Variants in STAG3 observed in about 807,000 individuals in gnomAD.
STAG3 encodes the protein cohesin subunit SA-3.
Under a neutral mutation model 160.7 loss-of-function variants are expected in STAG3, and 101 were observed. The ratio of observed to expected loss-of-function variants is 0.63; its 90% CI spans 0.54 to 0.74. STAG3 has a LOEUF of 0.74. STAG3 is among the 30% of genes least tolerant of loss of function. The pLI, the probability that STAG3 is intolerant of heterozygous loss-of-function variation, is 0.00. For synonymous variants in STAG3, 519 were observed against 585.0 expected, an observed-to-expected ratio of 0.89 and a Z score of 1.63; for missense variants, 1,188 against 1,517.4, an observed-to-expected ratio of 0.78 and a Z score of 3.61.
intron 8 of STAG3, among the ~76,000 whole-genome samples, chr7:100,191,953 C>T (rs1301806932): frequency 6.6e-6 from 1 of 152,176 alleles, no homozygotes; most frequent in Non-Finnish European, 1.5e-5. Flanking sequence ...ACCTCTTCAC[C>T]AGGAATAGAT....
intron 5 of STAG3, among the ~76,000 whole-genome samples, chr7:100,186,939 A>T (rs557077018): frequency 3.3e-5 from 5 of 152,226 alleles, no homozygotes; most frequent in African/African-American, 1.2e-4. Flanking sequence ...TCTTATTGCC[A>T]TGGCTTCGTT....
At position 100,199,360 on chromosome 7, in the gene STAG3, G is replaced by A. The variant is rs375088944; in HGVS notation, c.1566G>A (p.Lys522=). Residue 522 remains lysine, a synonymous_variant, in exon 15 of 34, where the codon AAG becomes AAA. Transcript: ENST00000615138. ...WEGLTSLLLE[K]DQNLGDVQES... The stretch of plus-strand genomic sequence containing the variant: ...GTCTGACAAGCCTGCTGCTGGAGAA[G>A]GACCAGAGTACGTGTCACACGGAGC... 6.2e-6 allele frequency: 10 copies of A among 1,613,806 alleles called. No homozygotes were observed. The highest frequency in any genetic ancestry group is 2.7e-5 in the African/African-American group (2 of 74,912).
chr7:100,211,622 C>G (rs1802216789), intron 31 of STAG3, 83 bp downstream of exon 31: 4 of 1,516,332 alleles, frequency 2.6e-6, no homozygotes, highest in Non-Finnish European at 3.6e-6. Flanking sequence ...CATTGCCTCT[C>G]TGTGGGTGCT....
At chr7:100,218,297 GA>G (rs1802942816), downstream of STAG3, 2 of 165,186 alleles carry the variant, frequency 1.2e-5, no homozygotes, top group African/African-American at 4.8e-5. Context: ...TTGGAATAAA[GA>G]GTTATGCTAT....
intron 2 of STAG3, 38 bp from the exon 3 acceptor site, chr7:100,182,051 AG>A: frequency 6.7e-7 from 1 of 1,486,158 alleles, no homozygotes. Context: ...TGGAGGGAAT[AG>A]GGTGGTTATA....
intron 32 of STAG3, 193 bp from the exon 33 acceptor site, chr7:100,213,542 C>A (rs545973601): frequency 1.8e-4 from 177 of 985,438 alleles, no homozygotes; most frequent in Non-Finnish European, 2.1e-4. Flanking sequence ...GGGGCTCAGT[C>A]AGCAGGCCAA....
downstream of STAG3, among the ~76,000 whole-genome samples, chr7:100,216,479 G>T (rs1373270094): frequency 6.6e-6 from 1 of 152,118 alleles, no homozygotes; most frequent in Admixed American, 6.5e-5. Context: ...TAAAATCATG[G>T]TTCAACATTT....
intron 29 of STAG3, among the ~76,000 whole-genome samples, chr7:100,209,087 G>A (rs1387797004): frequency 6.6e-6 from 1 of 152,102 alleles, no homozygotes; most frequent in South Asian, 2.1e-4. Flanking sequence ...TATTTGATTG[G>A]TTAGAGTGGA....
At chr7:100,197,742 C>A in intron 10 of STAG3, 36 bp from the exon 11 acceptor site, 1 of 1,553,878 alleles carries the variant, frequency 6.4e-7, no homozygotes, top group Non-Finnish European at 8.9e-7. Flanking sequence ...TGTGGTTAGT[C>A]TTATTTCCAT....
intron 8 of STAG3, among the ~76,000 whole-genome samples, chr7:100,192,074 T>C (rs927727913): frequency 6.6e-6 from 1 of 152,230 alleles, no homozygotes; most frequent in Admixed American, 6.5e-5. Context: ...TACTTCTAGT[T>C]CTCTTGCTAT....
intron 2 of STAG3, 21 bp from the exon 3 acceptor site, chr7:100,182,069 G>C: frequency 6.3e-7 from 1 of 1,597,528 alleles, no homozygotes; most frequent in Non-Finnish European, 8.6e-7. Context: ...TATATTTAAA[G>C]AGAACCATAC....
At chr7:100,178,249 A>C (rs1180928915) in intron 1 of STAG3, among the ~76,000 whole-genome samples, 1 of 152,156 alleles carries the variant, frequency 6.6e-6, no homozygotes, top group Non-Finnish European at 1.5e-5. Context: ...CGCTTACCCC[A>C]GGGGCAGTCG....
chr7:100,181,988 G>A, intron 2 of STAG3, 102 bp from the exon 3 acceptor site: 1 of 687,150 alleles, frequency 1.5e-6, no homozygotes, highest in Admixed American at 2.4e-5. Flanking sequence ...TTTTTCTCAT[G>A]GAGATGGGGT....
intron 1 of STAG3, among the ~76,000 whole-genome samples, chr7:100,180,148 T>G (rs1584643934): frequency 6.6e-6 from 1 of 152,160 alleles, no homozygotes; most frequent in South Asian, 2.1e-4. Context: ...CTTGAACTCC[T>G]GGACTCAAGC....
downstream of STAG3, among the ~76,000 whole-genome samples, chr7:100,217,200 T>G (rs2405729): frequency 0.012 from 1,859 of 152,364 alleles, 43 homozygotes; most frequent in African/African-American, 0.043. Context: ...TTATTTCTAC[T>G]GCACAACATC....
intron 21 of STAG3, 49 bp from the exon 22 acceptor site, chr7:100,201,737 C>G: frequency 1.3e-6 from 2 of 1,529,682 alleles, no homozygotes; most frequent in Non-Finnish European, 1.8e-6. Context: ...CTATCTGTCT[C>G]TCCCTCTCCT....
chr7:100,208,778 CAGAT>C (rs1471429018), intron 29 of STAG3, among the ~76,000 whole-genome samples: 4 of 152,100 alleles, frequency 2.6e-5, no homozygotes, highest in African/African-American at 9.7e-5. Context: ...TAGAGAGTGT[CAGAT>C]AGTAGTAAAT....
chr7:100,202,593 A>G lies in STAG3; in HGVS notation c.2700+3A>G. On this transcript the variant is annotated splice_donor_region_variant and intron_variant, in intron 25 of 33. Coordinates refer to ENST00000615138, the MANE Select transcript of STAG3 (RefSeq NM_001282717.2). ...ATGTTTTCAAACACTACAACAAGGT[A>G]CACCAAGGCCCTACAGAAATAAAAG... 6.2e-7 allele frequency: 1 copy of G among 1,611,656 alleles called. No individual in the cohort carries two copies. Among genetic ancestry groups the G allele is most frequent in the East Asian group, 2.2e-5 (1 of 44,854 alleles).
At chr7:100,205,479 T>C in intron 29 of STAG3, 95 bp downstream of exon 29, 5 of 1,230,516 alleles carry the variant, frequency 4.1e-6, no homozygotes, top group Non-Finnish European at 5.6e-6. Flanking sequence ...GCATCTACTG[T>C]CATTCAGGGT....
Sources: allele counts gnomAD v4.1 joint callset (sites outside exome capture counted in the v4.1 genomes callset), GRCh38; gene constraint gnomAD v4.1.1; transcripts MANE v1.5; gene names NCBI Gene and HGNC (gene_info 2026-07-23, HGNC 2026-07-21).